The following MAGEA11 variants were observed in gnomAD, a reference collection of about 807,000 sequenced individuals.
MAGEA11 encodes melanoma-associated antigen 11.
In MAGEA11, 1 loss-of-function variant was observed where a neutral mutation model predicts 8.4. The ratio of observed to expected loss-of-function variants is 0.12; its 90% CI spans 0.04 to 0.57. The LOEUF is 0.57. MAGEA11 is among the 20% of genes least tolerant of loss of function. The pLI is 0.91. For synonymous variants in MAGEA11, 127 were observed against 119.3 expected (o/e 1.06, Z -0.42); for missense variants, 209 against 317.3 (o/e 0.66, Z 2.59).
Position 149,691,826 on chromosome X carries a change from A to G in MAGEA11, c.9+2842A>G, listed in dbSNP as rs192407890. Reference sequence around the variant, plus strand: ...TTTCCTGCTGTGTACTCTGCCCTCCAGGCAGTAAGCTAAGGAAATTTTAGG... The same window carrying G: ...TTTCCTGCTGTGTACTCTGCCCTCCGGGCAGTAAGCTAAGGAAATTTTAGG... On this transcript the variant is annotated intron_variant, in intron 1 of 3. Transcript: ENST00000333104. 4.6e-3 allele frequency among the ~76,000 whole-genome samples: 525 copies of G among 112,949 alleles called. 6 individuals carry two copies. Among genetic ancestry groups the G allele is most frequent in the African/African-American group, 0.016 (505 of 31,131 alleles).
chrX:149,714,161 G>A (rs2090415517), intron 2 of MAGEA11: 1 of 234,392 alleles, frequency 4.3e-6, no homozygotes, highest in African/African-American at 2.8e-5. Context: ...ATCCCACAGA[G>A]TCTCTCTGTC....
In MAGEA11 at chrX:149,717,016, T is replaced by C; in HGVS notation, c.*240T>C. ...GAGATTTCTTTTTGTTTCCCTTTGG[T>C]AATTTTCAAATATTGTTCCTGTAAT... On this transcript the variant is annotated 3_prime_UTR_variant, in exon 5 of 5. Transcript: ENST00000355220. The C allele has an allele frequency of 3.1e-6, 1 of 320,204 alleles. No homozygotes were observed. The highest frequency in any genetic ancestry group is 5.4e-5 in the Admixed American group (1 of 18,627). The allele number at this position is 320,204 out of a possible 1,213,427, so 26.4% of individuals were successfully genotyped here.
chrX:149,707,942 G>A (rs56731503), upstream of MAGEA11, among the ~76,000 whole-genome samples: 1 of 112,448 alleles, frequency 8.9e-6, no homozygotes, highest in South Asian at 3.6e-4. Context: ...ATTTTAGAAA[G>A]GGTATTCACT....
At chrX:149,701,670 G>A (rs1488046431) in intron 1 of MAGEA11, among the ~76,000 whole-genome samples, 4 of 110,001 alleles carry the variant, frequency 3.6e-5, no homozygotes, top group Non-Finnish European at 1.9e-5. Flanking sequence ...GTAATGCCTA[G>A]GTTTTCTTCT....
In MAGEA11 at chrX:149,713,170, A is replaced by C. The variant is rs142651260; in HGVS notation, c.11A>C (p.Gln4Pro). Residue 4 changes from glutamine (Q) to proline (P), a missense_variant, in exon 2 of 5, where the codon CAG (glutamine) becomes CCG (proline). This residue lies in a region of MAGEA11 where 131 missense variants were observed against 138.5 expected (regional missense o/e 0.95). Coordinates refer to ENST00000355220, the MANE Select transcript of MAGEA11 (RefSeq NM_005366.5). ...TTGGGAATCTGAGGGATGGAGACTC[A>C]GTTCCGCAGAGGGGGTCTGGGGTGC... The part of the protein sequence containing the change: MET[Q>P]FRRGGLGCSP... The C allele has an allele frequency of 6.8e-4, 815 of 1,203,146 alleles. No individual in the cohort carries two copies. Among genetic ancestry groups the C allele is most frequent in the Non-Finnish European group, 8.8e-4 (785 of 890,785 alleles).
At chrX:149,714,985 G>C (rs782752113) in intron 3 of MAGEA11, among the ~76,000 whole-genome samples, 1 of 111,663 alleles carries the variant, frequency 9.0e-6, no homozygotes, top group South Asian at 3.8e-4. Context: ...CAGAGGGAGG[G>C]TCCCAGGCCA....
At chrX:149,693,767 G>C (rs1191319659) in intron 1 of MAGEA11, among the ~76,000 whole-genome samples, 1 of 111,493 alleles carries the variant, frequency 9.0e-6, no homozygotes, top group African/African-American at 3.3e-5. Flanking sequence ...TCTACTTTTT[G>C]TCCATAGATT....
At chrX:149,688,697 CATAT>C (rs2090297738), upstream of MAGEA11, 428 of 207,967 alleles carry the variant, frequency 2.1e-3, 2 homozygotes, top group African/African-American at 0.012. Context: ...TATACATATA[CATAT>C]ACATATACAC....
At chrX:149,700,892 A>G (rs1300095667) in intron 1 of MAGEA11, among the ~76,000 whole-genome samples, 3 of 105,608 alleles carry the variant, frequency 2.8e-5, no homozygotes, top group Non-Finnish European at 5.8e-5. Flanking sequence ...AAAGGACATG[A>G]ACTCATCATT....
At chrX:149,713,102 C>A (rs1260176359) in intron 1 of MAGEA11, 41 bp from the exon 2 acceptor site, 12 of 919,923 alleles carry the variant, frequency 1.3e-5, no homozygotes, top group South Asian at 6.0e-5. Flanking sequence ...AGCCCCCCCC[C>A]ATAGTCCCGC....
At chrX:149,705,696 G>A (rs1249153656) in intron 1 of MAGEA11, among the ~76,000 whole-genome samples, 1 of 112,012 alleles carries the variant, frequency 8.9e-6, no homozygotes, top group East Asian at 2.8e-4. Context: ...TCAGTGGGCA[G>A]GCTCAGGACA....
chrX:149,709,842 A>G (rs1416842987), upstream of MAGEA11, among the ~76,000 whole-genome samples: 1 of 112,189 alleles, frequency 8.9e-6, no homozygotes, highest in East Asian at 2.8e-4. Flanking sequence ...TTGTTTCATC[A>G]AATTGATAGC....
chrX:149,708,311 G>A (rs2090385686), upstream of MAGEA11, among the ~76,000 whole-genome samples: 1 of 111,620 alleles, frequency 9.0e-6, no homozygotes, highest in African/African-American at 3.3e-5. Context: ...GAAAGGTCAG[G>A]ATCCAACTAT....
At chrX:149,688,377 AAAG>A (rs2090295104), upstream of MAGEA11, 1 of 112,517 alleles carries the variant, frequency 8.9e-6, no homozygotes, top group Admixed American at 9.3e-5. Flanking sequence ...TTAGGGAGAA[AAAG>A]AAGAAGGTGA....
In MAGEA11 at chrX:149,717,197, A is replaced by G. The variant is rs1245813333; in HGVS notation, c.*421A>G. 1 of 120,116 alleles carries G rather than the reference A, an allele frequency of 8.3e-6. No homozygotes were observed. The highest frequency in any genetic ancestry group is 1.7e-5 in the Non-Finnish European group (1 of 58,695). The allele number at this position is 120,116 out of a possible 1,213,427, so 9.9% of individuals were successfully genotyped here. ...TGATTTGCAATAGGTATTTTCTTGGAGAATGTAAGAACTTAACAATAAAGC... is the reference window on the plus strand; with the variant it reads ...TGATTTGCAATAGGTATTTTCTTGGGGAATGTAAGAACTTAACAATAAAGC... On this transcript the variant is annotated 3_prime_UTR_variant, in exon 5 of 5. Transcript: ENST00000355220.
At chrX:149,689,549 C>G (rs1397291141) in intron 1 of MAGEA11, among the ~76,000 whole-genome samples, 1 of 112,431 alleles carries the variant, frequency 8.9e-6, no homozygotes, top group Non-Finnish European at 1.9e-5. Context: ...GTCCTGTTCG[C>G]CCAGCATCCT....
chrX:149,690,253 C>A (rs1371528842), intron 1 of MAGEA11, among the ~76,000 whole-genome samples: 1 of 112,671 alleles, frequency 8.9e-6, no homozygotes, highest in African/African-American at 3.2e-5. Context: ...TTCATCTCAA[C>A]CAAAATTTAT....
upstream of MAGEA11, among the ~76,000 whole-genome samples, chrX:149,688,651 T>A (rs797036819): frequency 1.0e-5 from 1 of 96,197 alleles, no homozygotes; most frequent in Non-Finnish European, 2.0e-5. Flanking sequence ...TACATATACA[T>A]ATACACATAC....
chrX:149,712,332 G>T (rs1265779507), intron 1 of MAGEA11, among the ~76,000 whole-genome samples, 170 bp downstream of exon 1: 1 of 111,636 alleles, frequency 9.0e-6, no homozygotes, highest in Non-Finnish European at 1.9e-5. Context: ...GGTGTGACCC[G>T]GGCAGAGGCA....
Sources: allele counts gnomAD v4.1 joint callset (sites outside exome capture counted in the v4.1 genomes callset), GRCh38; gene constraint gnomAD v4.1.1; regional missense constraint gnomAD v4.1.1; transcripts MANE v1.5; gene names NCBI Gene and HGNC (gene_info 2026-07-23, HGNC 2026-07-21).